The following BIRC6 variants were observed in gnomAD, a reference collection of about 807,000 sequenced individuals.
BIRC6 encodes the protein baculoviral IAP repeat containing 6, also known as dual E2 ubiquitin-conjugating enzyme/E3 ubiquitin-protein ligase BIRC6.
In BIRC6, 98 loss-of-function variants were observed where a neutral mutation model predicts 503.3. That is an observed-to-expected ratio of 0.19 (90% CI 0.17 to 0.23). The LOEUF is 0.23. BIRC6 is among the 10% of genes least tolerant of loss of function. The pLI is 1.00. For synonymous variants in BIRC6, 2,240 were observed against 2,078.7 expected (o/e 1.08, Z -2.11); for missense variants, 5,360 against 5,806.0 (o/e 0.92, Z 2.50).
chr2:32,583,053 T>C (rs2060789392), intron 66 of BIRC6, among the ~76,000 whole-genome samples: 1 of 152,218 alleles, frequency 6.6e-6, no homozygotes, highest in African/African-American at 2.4e-5. Flanking sequence ...TACAGTTTGG[T>C]GCATGATAAT....
intron 10 of BIRC6, among the ~76,000 whole-genome samples, chr2:32,421,084 T>C (rs1406381750): frequency 6.6e-6 from 1 of 151,046 alleles, no homozygotes; most frequent in African/African-American, 2.4e-5. Context: ...TTTGCTCTTC[T>C]CTAGTTTCTT....
chr2:32,489,090 G>C (rs1403635200), intron 42 of BIRC6, among the ~76,000 whole-genome samples: 2 of 151,898 alleles, frequency 1.3e-5, no homozygotes, highest in Non-Finnish European at 2.9e-5. Context: ...GTCAGCTGGA[G>C]AAGGTGGTCA....
chr2:32,613,090 A>G (rs1246379180), intron 73 of BIRC6, among the ~76,000 whole-genome samples: 1 of 151,642 alleles, frequency 6.6e-6, no homozygotes, highest in African/African-American at 2.4e-5. Context: ...GCCTTTACAC[A>G]TGGTTTCCAT....
chr2:32,447,356 G>A (rs1399074425), intron 21 of BIRC6, among the ~76,000 whole-genome samples: 1 of 151,468 alleles, frequency 6.6e-6, no homozygotes, highest in Non-Finnish European at 1.5e-5. Flanking sequence ...TCACCTCCCG[G>A]ATGGGGCGGC....
intron 33 of BIRC6, among the ~76,000 whole-genome samples, chr2:32,474,016 A>G (rs1044717801): frequency 6.6e-6 from 1 of 151,856 alleles, no homozygotes. Context: ...TTGGCCTCCC[A>G]AAGTGTTGGG....
At chr2:32,615,912 C>T (rs1204872728) in intron 73 of BIRC6, among the ~76,000 whole-genome samples, 2 of 152,066 alleles carry the variant, frequency 1.3e-5, no homozygotes, top group Admixed American at 6.6e-5. Flanking sequence ...GGATTACAGG[C>T]GTGAGGCATC....
At chr2:32,367,944 A>G (rs776641873) in intron 1 of BIRC6, among the ~76,000 whole-genome samples, 8 of 152,210 alleles carry the variant, frequency 5.3e-5, no homozygotes, top group Non-Finnish European at 7.3e-5. Context: ...AGTGGGGAAG[A>G]TGGGAATGTC....
chr2:32,408,907 T>C (rs2041545816), intron 9 of BIRC6, among the ~76,000 whole-genome samples: 1 of 152,204 alleles, frequency 6.6e-6, no homozygotes, highest in African/African-American at 2.4e-5. Flanking sequence ...AGTATGTATC[T>C]TCTAAACTAA....
chr2:32,425,679 A>G (rs1054026364), intron 10 of BIRC6, among the ~76,000 whole-genome samples: 7 of 152,170 alleles, frequency 4.6e-5, no homozygotes, highest in African/African-American at 1.2e-4. Context: ...AAAGAGTTCT[A>G]TCTCTTTAAA....
chr2:32,607,427 A>G (rs747297890), intron 71 of BIRC6, 28 bp from the exon 72 acceptor site: 2 of 1,427,676 alleles, frequency 1.4e-6, no homozygotes, highest in Non-Finnish European at 1.9e-6. Context: ...ATGTCCCATC[A>G]TAGCTGTTCT....
Position 32,531,697 on chromosome 2 carries a change from G to A in BIRC6, c.12291+146G>A, listed in dbSNP as rs990557223. The A allele has an allele frequency of 9.5e-6, 7 of 740,570 alleles. No individual in the cohort carries two copies. The Admixed American group carries it at 1.8e-4, about 19-fold the overall frequency. 45.9% of individuals were successfully genotyped at this position (740,570 alleles called of 1,614,324 possible). ...TTGAACATTATATAACTCTTTCAAT[G>A]GTCAGTCTGTACAGAGCTTCATGAC... On this transcript the variant is annotated intron_variant, in intron 61 of 73. Transcript: ENST00000421745.
intron 1 of BIRC6, among the ~76,000 whole-genome samples, chr2:32,367,482 C>T (rs868352380): frequency 2.0e-5 from 3 of 150,852 alleles, no homozygotes; most frequent in East Asian, 1.9e-4. Context: ...AACAAAAAAA[C>T]GAAAAACAAC....
rs756239103 is a variant in BIRC6 at position 32,518,926 on chromosome 2, A to T, written c.11603A>T (p.Asp3868Val). The T allele has an allele frequency of 2.5e-6, 4 of 1,613,624 alleles. No individual in the cohort carries two copies. The highest frequency in any genetic ancestry group is 1.3e-5 in the African/African-American group (1 of 74,918). ...TTGCCAGTCTCAACAACATTATCAG[A>T]TGTTCTTGACAGAGTGTCAGGCAAG... The part of the protein sequence containing the change: ...LHLPVSTTLS[D>V]VLDRVSDTPS... Residue 3868 changes from aspartate to valine, a missense_variant, in exon 57 of 74, where the codon GAT becomes GTT. Physicochemically the swap from Asp to Val is radical, Grantham distance 152. Coordinates refer to ENST00000421745, the MANE Select transcript of BIRC6 (RefSeq NM_016252.4).
rs184087672 is a variant in BIRC6, at chr2:32,598,274, A to G, written c.13830+306A>G. ...GTGTGGATCACGCTGCTGTTGAAAA[A>G]AACATTTAGAAAATATCAAAAGAGC... is the stretch of plus-strand genomic sequence containing the variant. On this transcript the variant is annotated intron_variant, in intron 69 of 73. Coordinates refer to ENST00000421745, the MANE Select transcript of BIRC6 (RefSeq NM_016252.4). 9.7e-4 allele frequency among the ~76,000 whole-genome samples: 147 copies of G among 151,914 alleles called. 2 individuals are homozygous for G. In the East Asian group the frequency reaches 0.016, roughly 16 times the overall value.
rs1194368685 is a variant in BIRC6, at chr2:32,495,974, A to G, written c.8468+2307A>G. Among the ~76,000 whole-genome samples the G allele has an allele frequency of 5.9e-5, 9 of 151,700 alleles. 1 individual carries two copies. In the South Asian group the frequency reaches 1.0e-3, roughly 18 times the overall value. On this transcript the variant is annotated intron_variant, in intron 45 of 73. Coordinates refer to ENST00000421745, the MANE Select transcript of BIRC6 (RefSeq NM_016252.4). ...CGCCTCAGCCTCCTGAGTAGCTGGGACTACAGGTGCCTGCCATCACGCCCT... is the reference window on the plus strand; with the variant it reads ...CGCCTCAGCCTCCTGAGTAGCTGGGGCTACAGGTGCCTGCCATCACGCCCT...
chr2:32,381,859 A>T (rs1029183975), intron 3 of BIRC6, among the ~76,000 whole-genome samples: 1 of 151,522 alleles, frequency 6.6e-6, no homozygotes, highest in African/African-American at 2.4e-5. Context: ...GCTTTTTTTC[A>T]CTCAAGAATT....
chr2:32,568,160 A>G (rs2059660841), intron 65 of BIRC6, among the ~76,000 whole-genome samples: 1 of 151,652 alleles, frequency 6.6e-6, no homozygotes, highest in Admixed American at 6.6e-5. Context: ...GTCAAAAGAA[A>G]CTATAGCCTT....
At chr2:32,542,780 C>T (rs905494604) in intron 61 of BIRC6, among the ~76,000 whole-genome samples, 2 of 152,110 alleles carry the variant, frequency 1.3e-5, no homozygotes, top group Admixed American at 6.6e-5. Context: ...CTGTCATGTG[C>T]GTCTTGATGT....
intron 68 of BIRC6, among the ~76,000 whole-genome samples, chr2:32,595,375 C>A (rs1253504632): frequency 1.3e-5 from 2 of 152,100 alleles, no homozygotes; most frequent in Non-Finnish European, 2.9e-5. Context: ...AAAAATAAAT[C>A]CAAGCCAAGT....
Sources: allele counts gnomAD v4.1 joint callset (sites outside exome capture counted in the v4.1 genomes callset), GRCh38; gene constraint gnomAD v4.1.1; transcripts MANE v1.5; gene names NCBI Gene and HGNC (gene_info 2026-07-23, HGNC 2026-07-21).